PCDH15: variants seen among roughly 807,000 people sequenced by gnomAD.
PCDH15 encodes protocadherin related 15.
PCDH15 carries 129 observed loss-of-function variants against 178.5 expected under a neutral mutation model. That is an observed-to-expected ratio of 0.72 (90% CI 0.63 to 0.84). The LOEUF is 0.84. Among genes scored for constraint, PCDH15 ranks in the 40% least tolerant of loss-of-function variants. The pLI is 0.00. For synonymous variants in PCDH15, 800 were observed against 732.0 expected (o/e 1.09, Z -1.50); for missense variants, 2,230 against 2,099.9 (o/e 1.06, Z -1.21).
At chr10:54,371,779 C>T (rs34876753) in intron 4 of PCDH15, among the ~76,000 whole-genome samples, 42,433 of 151,670 alleles carry the variant, frequency 0.28, 7,472 homozygotes, top group Non-Finnish European at 0.4. Flanking sequence ...TTTATGCCTT[C>T]GCACTTCCAA....
chr10:54,713,539 TTAAG>T (rs2095446895), intron 1 of PCDH15, among the ~76,000 whole-genome samples: 1 of 152,114 alleles, frequency 6.6e-6, no homozygotes, highest in Non-Finnish European at 1.5e-5. Context: ...TCCGAATTGA[TTAAG>T]TAGTCAGTAT....
chr10:55,522,464 A>T (rs2132166651), intron 2 of PCDH15, among the ~76,000 whole-genome samples: 1 of 151,780 alleles, frequency 6.6e-6, no homozygotes, highest in Middle Eastern at 3.4e-3. Context: ...CCTTTCAGTT[A>T]TGTTAATATT....
chr10:54,219,117 A>C (rs916536347), intron 9 of PCDH15, among the ~76,000 whole-genome samples: 10 of 144,772 alleles, frequency 6.9e-5, no homozygotes, highest in Middle Eastern at 3.5e-3. Flanking sequence ...ACAAAAAAAA[A>C]ACAAAAAATT....
At chr10:55,170,325 A>T (rs564468724) in intron 1 of PCDH15, among the ~76,000 whole-genome samples, 95 of 151,960 alleles carry the variant, frequency 6.3e-4, no homozygotes, top group Non-Finnish European at 1.3e-3. Flanking sequence ...TTTAAAAAAA[A>T]AAATTGCAGA....
chr10:54,549,058 G>A (rs937054433), intron 2 of PCDH15, among the ~76,000 whole-genome samples: 1 of 151,624 alleles, frequency 6.6e-6, no homozygotes, highest in East Asian at 1.9e-4. Context: ...GGCAATACCA[G>A]TTTTAATATT....
intron 2 of PCDH15, among the ~76,000 whole-genome samples, chr10:55,027,701 T>A (rs1169526120): frequency 2.0e-5 from 3 of 151,864 alleles, no homozygotes; most frequent in African/African-American, 7.2e-5. Flanking sequence ...GACTCTAATT[T>A]AGGAGAGTAG....
intron 3 of PCDH15, among the ~76,000 whole-genome samples, chr10:54,856,412 G>A (rs918312651): frequency 1.1e-4 from 17 of 152,198 alleles, no homozygotes; most frequent in African/African-American, 4.1e-4. Flanking sequence ...AAGATAGTCT[G>A]TGTAGAATGT....
chr10:55,438,359 A>G (rs1008464859), intron 2 of PCDH15, among the ~76,000 whole-genome samples: 5 of 152,150 alleles, frequency 3.3e-5, no homozygotes, highest in African/African-American at 1.2e-4. Flanking sequence ...AACATTTATT[A>G]AATATGAAAG....
intron 1 of PCDH15, among the ~76,000 whole-genome samples, chr10:55,296,627 A>G (rs1367440936): frequency 6.6e-6 from 1 of 152,208 alleles, no homozygotes; most frequent in African/African-American, 2.4e-5. Context: ...AGCTGAGGGC[A>G]GAGACTAAAT....
intron 21 of PCDH15, among the ~76,000 whole-genome samples, chr10:53,987,703 T>G (rs1294908340): frequency 6.6e-6 from 1 of 152,154 alleles, no homozygotes; most frequent in Admixed American, 6.6e-5. Flanking sequence ...CAATTTACCA[T>G]GAAGGCCGCC....
At chr10:55,071,286 TA>T (rs1178992031) in intron 2 of PCDH15, among the ~76,000 whole-genome samples, 9 of 105,274 alleles carry the variant, frequency 8.5e-5, no homozygotes, top group Non-Finnish European at 1.8e-4. Context: ...ATGCTCCAAT[TA>T]AAAGACACAG....
chr10:54,008,638 CT>C (rs2092464294), intron 20 of PCDH15, among the ~76,000 whole-genome samples: 1 of 152,158 alleles, frequency 6.6e-6, no homozygotes, highest in East Asian at 1.9e-4. Flanking sequence ...CAACCACACC[CT>C]CATCAGAGAA....
chr10:55,460,797 C>T (rs1194674255), intron 2 of PCDH15, among the ~76,000 whole-genome samples: 1 of 152,036 alleles, frequency 6.6e-6, no homozygotes, highest in Non-Finnish European at 1.5e-5. Context: ...TATATTTTAT[C>T]TCATTCAGTG....
rs144888700 is a variant in PCDH15 at position 55,221,309 on chromosome 10, G to A, written c.-155-54658C>T. ...CAGTGATGTGCTGTTGAATGTCTAG[G>A]CTTTAAAATATGGATATGTGTATAT... On this transcript the variant is annotated intron_variant, in intron 1 of 5. Coordinates refer to the PCDH15 transcript ENST00000458638. 2.8e-3 allele frequency among the ~76,000 whole-genome samples: 426 copies of A among 152,108 alleles called. 7 individuals are homozygous for A. The highest frequency in any genetic ancestry group is 9.6e-3 in the African/African-American group (398 of 41,458).
intron 2 of PCDH15, among the ~76,000 whole-genome samples, chr10:54,579,609 A>T (rs995853293): frequency 6.6e-6 from 1 of 152,066 alleles, no homozygotes; most frequent in African/African-American, 2.4e-5. Context: ...CCTGGACTTA[A>T]ATTTGACACT....
chr10:54,822,593 G>T (rs1953063885), intron 3 of PCDH15, among the ~76,000 whole-genome samples: 1 of 152,072 alleles, frequency 6.6e-6, no homozygotes, highest in Admixed American at 6.6e-5. Context: ...GCTGTAATAA[G>T]CATAGGGGTG....
At chr10:54,875,836 G>A (rs1359544455) in intron 3 of PCDH15, among the ~76,000 whole-genome samples, 1 of 152,186 alleles carries the variant, frequency 6.6e-6, no homozygotes, top group East Asian at 1.9e-4. Context: ...GAAAGTGCAA[G>A]GTGAAGCAGC....
intron 26 of PCDH15, among the ~76,000 whole-genome samples, chr10:53,878,304 C>A (rs2080405770): frequency 1.1e-5 from 1 of 90,884 alleles, no homozygotes; most frequent in Admixed American, 1.5e-4. Flanking sequence ...TATATATAGA[C>A]TATATATATT....
At chr10:54,797,837 C>T (rs1537854) in intron 1 of PCDH15, among the ~76,000 whole-genome samples, 151,418 of 151,976 alleles carry the variant, frequency 1, 75,435 homozygotes, top group Middle Eastern at 1. Context: ...TCTTACTCAG[C>T]GTGACTGACT....
Sources: gnomAD v4.1 joint callset for allele counts (sites outside exome capture counted in the v4.1 genomes callset) on GRCh38, gnomAD v4.1.1 for gene constraint, MANE v1.5 for transcripts, NCBI Gene and HGNC (gene_info 2026-07-23, HGNC 2026-07-21) for gene names.